Variants in MRPL1 observed in about 807,000 individuals in gnomAD.
The protein encoded by MRPL1 is mitochondrial ribosomal protein L1, also known as large ribosomal subunit protein uL1m.
In MRPL1, 28 loss-of-function variants were observed where a neutral mutation model predicts 38.0. The ratio of observed to expected loss-of-function variants is 0.74; its 90% CI spans 0.55 to 1.01. The LOEUF (loss-of-function observed/expected upper bound fraction) is 1.01, where lower values mean the gene tolerates loss of function less well. Among genes scored for constraint, MRPL1 ranks in the 50% least tolerant of loss-of-function variants. The probability of loss-of-function intolerance (pLI) is 0.00; values close to 1 mark genes in which losing one functional copy is unlikely to be tolerated. For missense variants in MRPL1, 358 were observed against 389.8 expected (o/e 0.92, Z 0.69); for synonymous variants, 123 against 126.7 (o/e 0.97, Z 0.20).
At chr4:77,902,895 T>C (rs1350260067) in intron 6 of MRPL1, among the ~76,000 whole-genome samples, 1 of 152,204 alleles carries the variant, frequency 6.6e-6, no homozygotes. Flanking sequence ...CAGGCCCACC[T>C]GATTCCCACT....
intron 8 of MRPL1, among the ~76,000 whole-genome samples, chr4:77,951,536 C>T (rs1578068215): frequency 6.6e-6 from 1 of 152,178 alleles, no homozygotes; most frequent in Admixed American, 6.5e-5. Flanking sequence ...TAATACAGTA[C>T]TTTTCACTGA....
chr4:77,948,244 A>T (rs755045571), intron 7 of MRPL1, among the ~76,000 whole-genome samples: 17 of 152,190 alleles, frequency 1.1e-4, no homozygotes, highest in Non-Finnish European at 1.8e-4. Context: ...TGTGATGGTT[A>T]CTTCAGTTGA....
intron 7 of MRPL1, among the ~76,000 whole-genome samples, chr4:77,913,857 A>G (rs1380217485): frequency 1.3e-5 from 2 of 152,376 alleles, no homozygotes; most frequent in East Asian, 1.9e-4. Context: ...GAAGTTAGAA[A>G]AAAGGGAGCA....
chr4:77,867,510 C>G (rs1487330477), intron 1 of MRPL1, among the ~76,000 whole-genome samples: 3 of 152,090 alleles, frequency 2.0e-5, no homozygotes, highest in Admixed American at 2.0e-4. Flanking sequence ...TATTGAGGAG[C>G]AGGAATTAAT....
chr4:77,885,144 A>G lies in MRPL1; in HGVS notation c.403-112A>G, dbSNP rs981899813. 4.1e-6 allele frequency: 3 copies of G among 723,736 alleles called. No homozygotes were observed. The African/African-American group carries it at 5.3e-5, about 13-fold the overall frequency. 44.8% of individuals were successfully genotyped at this position (723,736 alleles called of 1,614,324 possible). ...TAGTTCTGAATTAATGGAAGAACAT[A>G]GAGTAGAATCAGAACACTGAAAACA... On this transcript the variant is annotated intron_variant, in intron 3 of 8. Coordinates refer to ENST00000315567, the MANE Select transcript of MRPL1 (RefSeq NM_020236.4).
At chr4:77,867,085 A>G (rs995552519) in intron 1 of MRPL1, among the ~76,000 whole-genome samples, 5 of 152,060 alleles carry the variant, frequency 3.3e-5, no homozygotes, top group East Asian at 1.9e-4. Context: ...CTTAACCACT[A>G]TACTTAAAAT....
chr4:77,889,995 A>G (rs1407921503), intron 5 of MRPL1, among the ~76,000 whole-genome samples: 1 of 152,228 alleles, frequency 6.6e-6, no homozygotes, highest in African/African-American at 2.4e-5. Context: ...TTAATAGCCT[A>G]TCAACCAAAA....
chr4:77,887,180 A>T, intron 4 of MRPL1, 40 bp from the exon 5 acceptor site: 1 of 1,456,112 alleles, frequency 6.9e-7, no homozygotes. Context: ...GAATATATTT[A>T]AAATTAATGA....
At chr4:77,924,511 A>G (rs767464848) in intron 7 of MRPL1, among the ~76,000 whole-genome samples, 1 of 152,092 alleles carries the variant, frequency 6.6e-6, no homozygotes, top group Non-Finnish European at 1.5e-5. Context: ...CAAATACCAC[A>G]TTTTAGAGAA....
intron 7 of MRPL1, among the ~76,000 whole-genome samples, chr4:77,919,334 T>C (rs1736509217): frequency 6.6e-6 from 1 of 152,194 alleles, no homozygotes; most frequent in Non-Finnish European, 1.5e-5. Context: ...CGAAGGCCAC[T>C]TACATTGTTG....
At chr4:77,933,191 C>T (rs573891626) in intron 7 of MRPL1, among the ~76,000 whole-genome samples, 1 of 152,162 alleles carries the variant, frequency 6.6e-6, no homozygotes, top group Non-Finnish European at 1.5e-5. Flanking sequence ...AGTGATCCTC[C>T]AGCCTCAGCA....
At chr4:77,948,614 T>C (rs1270131449) in intron 7 of MRPL1, among the ~76,000 whole-genome samples, 1 of 152,182 alleles carries the variant, frequency 6.6e-6, no homozygotes, top group Admixed American at 6.5e-5. Context: ...AAAAGGATTT[T>C]TTAAGGAGGA....
At chr4:77,887,088 C>A in intron 4 of MRPL1, 132 bp from the exon 5 acceptor site, 2 of 767,342 alleles carry the variant, frequency 2.6e-6, no homozygotes, top group Non-Finnish European at 4.3e-6. Flanking sequence ...TGCATCCAGC[C>A]ACATTTTCAA....
chr4:77,909,329 T>C lies in MRPL1; in HGVS notation c.734T>C (p.Val245Ala). ...ELFKNGHEIK[V>A]DEERENFLQT... ...TTTAAAAATGGACATGAAATTAAGG[T>C]AGATGAAGAAAGGGAGAACTTTCTC... Residue 245 changes from valine to alanine, a missense_variant, in exon 7 of 9, where the codon GTA becomes GCA. By Grantham distance (64) the Val-to-Ala change is moderately conservative (BLOSUM62 0). Coordinates refer to ENST00000315567, the MANE Select transcript of MRPL1 (RefSeq NM_020236.4). The C allele has an allele frequency of 6.2e-7, 1 of 1,610,840 alleles. No homozygotes were observed. The highest frequency in any genetic ancestry group is 8.5e-7 in the Non-Finnish European group (1 of 1,178,726).
In MRPL1 at chr4:77,947,000, T is replaced by C. The variant is rs1025732813; in HGVS notation, c.778-2797T>C. On this transcript the variant is annotated intron_variant, in intron 7 of 8. Coordinates refer to ENST00000315567, the MANE Select transcript of MRPL1 (RefSeq NM_020236.4). ...CCTGAGATGAATTATGACATGTGCATCTCAATGGGACAAAAAAAAAAAAAA... is the reference window on the plus strand; with the variant it reads ...CCTGAGATGAATTATGACATGTGCACCTCAATGGGACAAAAAAAAAAAAAA... Among the ~76,000 whole-genome samples the C allele has an allele frequency of 1.8e-4, 24 of 130,170 alleles. No individual in the cohort carries two copies. In the Admixed American group the frequency reaches 1.9e-3, roughly 10 times the overall value. 85.4% of individuals were successfully genotyped at this position (130,170 alleles called of 152,430 possible).
At chr4:77,874,095 T>C (rs1448345076) in intron 2 of MRPL1, among the ~76,000 whole-genome samples, 2 of 150,660 alleles carry the variant, frequency 1.3e-5, no homozygotes, top group Non-Finnish European at 2.9e-5. Flanking sequence ...ACCTCCCGGG[T>C]TCAAATGATT....
intron 6 of MRPL1, among the ~76,000 whole-genome samples, chr4:77,897,940 G>A (rs533601483): frequency 1.3e-5 from 2 of 152,154 alleles, no homozygotes; most frequent in African/African-American, 4.8e-5. Context: ...TACAATTGTT[G>A]TAGATGAAAT....
At chr4:77,944,989 G>A (rs1227630729) in intron 7 of MRPL1, among the ~76,000 whole-genome samples, 1 of 152,028 alleles carries the variant, frequency 6.6e-6, no homozygotes, top group Non-Finnish European at 1.5e-5. Context: ...AGTTTTCTGA[G>A]TCTCAGTTTA....
intron 7 of MRPL1, among the ~76,000 whole-genome samples, chr4:77,943,946 GGA>G (rs1737195051): frequency 6.6e-6 from 1 of 152,072 alleles, no homozygotes; most frequent in South Asian, 2.1e-4. Flanking sequence ...TCTTTTAGGG[GGA>G]TGTTTAAGAA....
Sources: allele counts gnomAD v4.1 joint callset (sites outside exome capture counted in the v4.1 genomes callset), GRCh38; gene constraint gnomAD v4.1.1; transcripts MANE v1.5; gene names NCBI Gene and HGNC (gene_info 2026-07-23, HGNC 2026-07-21).